The following PADI2 variants were observed in gnomAD, a reference collection of about 807,000 sequenced individuals.
PADI2 encodes peptidyl arginine deiminase 2, also known as protein-arginine deiminase type-2.
A neutral mutation model predicts 81.1 loss-of-function variants in PADI2; 70 were observed. That is an observed-to-expected ratio of 0.86 (90% CI 0.71 to 1.05). The LOEUF is 1.05. Among genes scored for constraint, PADI2 ranks in the 50% least tolerant of loss-of-function variants. The pLI is 0.00. For missense variants in PADI2, 853 were observed against 889.9 expected (o/e 0.96, Z 0.53); for synonymous variants, 338 against 358.0 (o/e 0.94, Z 0.63).
chr1:17,082,502 T>C, intron 10 of PADI2, 43 bp downstream of exon 10: 2 of 1,255,532 alleles, frequency 1.6e-6, no homozygotes, highest in South Asian at 2.4e-5. Flanking sequence ...TATGAGAATC[T>C]CCAGGATCAT....
rs1368574256 is a variant in PADI2, at chr1:17,119,210, C to T, written c.92+70G>A. The T allele has an allele frequency of 1.8e-6, 2 of 1,125,364 alleles. No homozygotes were observed. Among genetic ancestry groups the T allele is most frequent in the Non-Finnish European group, 2.5e-6 (2 of 788,968 alleles). The allele number at this position is 1,125,364 out of a possible 1,614,324, so 69.7% of individuals were successfully genotyped here. ...GCTGGACAAAGGCTGTCCACGTCCC[C>T]GAGTCTGAGCGCGTCTCAGGATTTC... is the stretch of plus-strand genomic sequence containing the variant. On this transcript the variant is annotated intron_variant, in intron 1 of 15. Transcript: ENST00000375486. This position sits in a 1 kb window ranked among gnomAD's most constrained non-coding sequence, Gnocchi z 4.8.
rs746545998 is a variant in PADI2 at position 17,070,205 on chromosome 1, G to A, written c.1647C>T (p.Asp549=). 8 of 1,614,066 alleles carry A rather than the reference G, an allele frequency of 5.0e-6. No homozygotes were observed. In the East Asian group the frequency reaches 6.7e-5, roughly 13 times the overall value. Residue 549 remains aspartate, a synonymous_variant, in exon 15 of 16, where the codon GAC becomes GAT. Coordinates refer to ENST00000375486, the MANE Select transcript of PADI2 (RefSeq NM_007365.3). ...CCTTCTTGAGGATGTCACGGTTCCAGTCTAGGCAGCGCTGGGTAGGAGAAA... is the reference window on the plus strand; with the variant it reads ...CCTTCTTGAGGATGTCACGGTTCCAATCTAGGCAGCGCTGGGTAGGAGAAA... ...QENLYFQRCL[D]WNRDILKKEL... is the part of the protein sequence containing the mutation.
At chr1:17,104,247 A>G (rs9435679) in intron 2 of PADI2, among the ~76,000 whole-genome samples, 38,553 of 150,804 alleles carry the variant, frequency 0.26, 6,930 homozygotes, top group African/African-American at 0.51. Context: ...CCGAGATCGC[A>G]TCACTGCACT....
At chr1:17,069,663 G>C (rs895372516) in intron 15 of PADI2, among the ~76,000 whole-genome samples, 3 of 152,150 alleles carry the variant, frequency 2.0e-5, no homozygotes, top group African/African-American at 7.2e-5. Flanking sequence ...GTGTGTTTCT[G>C]TGTGCATGTG....
At chr1:17,107,006 G>A (rs116040943) in intron 1 of PADI2, among the ~76,000 whole-genome samples, 451 of 152,260 alleles carry the variant, frequency 3.0e-3, no homozygotes, top group Non-Finnish European at 4.6e-3. Flanking sequence ...CCTGTCCATG[G>A]TGTTTTGTTG....
rs752503615 is a variant in PADI2 at position 17,119,231 on chromosome 1, A to T, written c.92+49T>A. 1.6e-5 allele frequency: 21 copies of T among 1,334,920 alleles called. 1 individual carries two copies. The Admixed American group carries it at 4.5e-4, about 28-fold the overall frequency. 82.7% of individuals were successfully genotyped at this position (1,334,920 alleles called of 1,614,324 possible). A position where few individuals can be genotyped will look rare whatever the true frequency, so the allele number is the denominator to read the frequency against. ...TCCCCGAGTCTGAGCGCGTCTCAGG[A>T]TTTCTGGGCTCGAGATCTCGGCCCG... On this transcript the variant is annotated intron_variant, in intron 1 of 15. Transcript: ENST00000375486. This position sits in a 1 kb window ranked among gnomAD's most constrained non-coding sequence, Gnocchi z 4.8.
Position 17,106,220 on chromosome 1 carries a change from A to G in PADI2, c.93-1159T>C, listed in dbSNP as rs147659485. On this transcript the variant is annotated intron_variant, in intron 1 of 15. Transcript: ENST00000375486. ...GGTTCAAAAGTGGTTTTCCATTGCA[A>G]AGCAAATACTTTTGGAATTCTTGAA... Among the ~76,000 whole-genome samples the G allele has an allele frequency of 2.0e-4, 31 of 152,262 alleles. No individual in the cohort carries two copies. The East Asian group carries it at 5.6e-3, about 28-fold the overall frequency.
chr1:17,104,068 G>A (rs1312518513), intron 2 of PADI2, among the ~76,000 whole-genome samples: 1 of 151,498 alleles, frequency 6.6e-6, no homozygotes, highest in Non-Finnish European at 1.5e-5. Context: ...GGATCACAAG[G>A]TCAGGAGATC....
chr1:17,105,664 G>A (rs1931348527), intron 1 of PADI2, among the ~76,000 whole-genome samples: 1 of 152,116 alleles, frequency 6.6e-6, no homozygotes, highest in Non-Finnish European at 1.5e-5. Flanking sequence ...AAAGTGCTGG[G>A]ATTACAGGTG....
intron 9 of PADI2, chr1:17,083,339 C>T (rs1177130847): frequency 1.5e-5 from 3 of 197,650 alleles, no homozygotes; most frequent in South Asian, 8.5e-5. Context: ...AGCGAGACCT[C>T]GTCTCAAACA....
At chr1:17,091,729 G>C (rs1425184547) in intron 6 of PADI2, among the ~76,000 whole-genome samples, 1 of 152,126 alleles carries the variant, frequency 6.6e-6, no homozygotes. Flanking sequence ...CCTCTGCCCT[G>C]CCATTCTCCT....
Position 17,071,290 on chromosome 1 carries a change from G to T in PADI2, c.1635+116C>A. On this transcript the variant is annotated intron_variant, in intron 14 of 15. Transcript: ENST00000375486. ...GGCTCTTCCCTGTGCTGCTGTGCTC[G>T]GGGTCAGGAGCTCCTGAGCCCTTGG... is the stretch of plus-strand genomic sequence containing the variant. The T allele has an allele frequency of 4.3e-6, 3 of 702,254 alleles. No individual in the cohort carries two copies. In the South Asian group the frequency reaches 4.8e-5, roughly 11 times the overall value. The allele number at this position is 702,254 out of a possible 1,614,324, so 43.5% of individuals were successfully genotyped here.
intron 6 of PADI2, among the ~76,000 whole-genome samples, chr1:17,088,925 A>AAAAAC (rs1553182378): frequency 0.41 from 33,642 of 82,438 alleles, 4,624 homozygotes; most frequent in African/African-American, 0.44. Flanking sequence ...AAAAAAAAAA[A>AAAAAC]AAAAAACCAA....
At chr1:17,100,096 G>T (rs1455072119) in intron 3 of PADI2, among the ~76,000 whole-genome samples, 1 of 152,162 alleles carries the variant, frequency 6.6e-6, no homozygotes, top group Non-Finnish European at 1.5e-5. Flanking sequence ...GATTACTCAG[G>T]ATGACGGGCT....
At chr1:17,075,003 G>T in intron 12 of PADI2, 54 bp from the exon 13 acceptor site, 2 of 1,158,504 alleles carry the variant, frequency 1.7e-6, no homozygotes, top group Non-Finnish European at 2.6e-6. Flanking sequence ...CACCCAAGGA[G>T]CACGGGGAGG....
chr1:17,105,963 G>T (rs1931360679), intron 1 of PADI2, among the ~76,000 whole-genome samples: 1 of 152,184 alleles, frequency 6.6e-6, no homozygotes, highest in African/African-American at 2.4e-5. Flanking sequence ...TGTGAAGGTG[G>T]AAGATGGAGA....
Position 17,105,023 on chromosome 1 carries a change from T to A in PADI2, c.131A>T (p.His44Leu). 1 of 1,598,418 alleles carries A rather than the reference T, an allele frequency of 6.3e-7. No homozygotes were observed. The highest frequency in any genetic ancestry group is 1.3e-5 in the African/African-American group (1 of 74,548). ...CACCTCCACCCACACGTGTTCCGAGTGCTTCAGGCTGAAGGTTTGGGCCCC... is the reference window on the plus strand; with the variant it reads ...CACCTCCACCCACACGTGTTCCGAGAGCTTCAGGCTGAAGGTTTGGGCCCC... ...PAGAQTFSLK[H>L]SEHVWVEVVR... The change falls in exon 2 of 16, where the codon CAC becomes CTC. Residue 44 changes from histidine (H) to leucine (L), a missense_variant. Coordinates refer to ENST00000375486, the MANE Select transcript of PADI2 (RefSeq NM_007365.3).
At chr1:17,084,856 A>G (rs1338640504) in intron 7 of PADI2, among the ~76,000 whole-genome samples, 154 bp from the exon 8 acceptor site, 1 of 152,136 alleles carries the variant, frequency 6.6e-6, no homozygotes, top group Non-Finnish European at 1.5e-5. Flanking sequence ...ACATGTGCCA[A>G]TTCTTTTCTG....
At chr1:17,110,119 C>G (rs1187828601) in intron 1 of PADI2, among the ~76,000 whole-genome samples, 3 of 152,178 alleles carry the variant, frequency 2.0e-5, no homozygotes, top group African/African-American at 7.2e-5. Context: ...CCCTGCAGAT[C>G]CTGTTGGCTG....
Sources: gnomAD v4.1 joint callset for allele counts (sites outside exome capture counted in the v4.1 genomes callset) on GRCh38, gnomAD v4.1.1 for gene constraint, Gnocchi (gnomAD v3.1) non-coding constraint, MANE v1.5 for transcripts, NCBI Gene and HGNC (gene_info 2026-07-23, HGNC 2026-07-21) for gene names.